The following RNF111 variants were observed in gnomAD, a reference collection of about 807,000 sequenced individuals.
RNF111 encodes E3 ubiquitin-protein ligase Arkadia.
A neutral mutation model predicts 95.1 loss-of-function variants in RNF111; 17 were observed. The observed-to-expected ratio is 0.18, with a 90% CI of 0.12 to 0.27. The LOEUF (loss-of-function observed/expected upper bound fraction) is 0.27, where lower values mean the gene tolerates loss of function less well. Ranked by LOEUF, RNF111 falls within the 10% of genes least tolerant of loss-of-function variation. RNF111 has a pLI of 1.00. For synonymous variants in RNF111, 440 were observed against 414.8 expected, an observed-to-expected ratio of 1.06 and a Z score of -0.74; for missense variants, 1,189 against 1,210.4, an observed-to-expected ratio of 0.98 and a Z score of 0.26.
At position 59,076,233 on chromosome 15, in the gene RNF111, G is replaced by A; in HGVS notation, c.1948+18G>A. 4 of 1,603,460 alleles carry A rather than the reference G, an allele frequency of 2.5e-6. No homozygotes were observed. The highest frequency in any genetic ancestry group is 3.4e-6 in the Non-Finnish European group (4 of 1,173,170). On this transcript the variant is annotated intron_variant, in intron 7 of 13. Coordinates refer to ENST00000348370, the MANE Select transcript of RNF111 (RefSeq NM_017610.8). Reference sequence around the variant, plus strand: ...ACCCCCTTGTAAGTATATACTTAGTGGACACAAAATCTAGAGTCATGTCAA... The same window carrying A: ...ACCCCCTTGTAAGTATATACTTAGTAGACACAAAATCTAGAGTCATGTCAA...
At chr15:58,995,764 C>CTT (rs34209382) in intron 1 of RNF111, among the ~76,000 whole-genome samples, 1,031 of 99,498 alleles carry the variant, frequency 0.01, 19 homozygotes, top group African/African-American at 0.027. Flanking sequence ...GTGCCCCGGC[C>CTT]TTTTTTTTTT....
chr15:59,092,481 A>C (rs2079080427), intron 12 of RNF111, 56 bp from the exon 13 acceptor site: 2 of 1,548,886 alleles, frequency 1.3e-6, no homozygotes, highest in African/African-American at 1.4e-5. Context: ...GACTTTACTC[A>C]GTTGTTCAAT....
At chr15:59,066,662 C>T (rs1333591248) in intron 5 of RNF111, 102 bp from the exon 6 acceptor site, 48 of 936,954 alleles carry the variant, frequency 5.1e-5, no homozygotes, top group African/African-American at 1.5e-4. Flanking sequence ...TTGAAATTAC[C>T]GAACATTTCT....
chr15:59,075,440 A>G (rs2043124290), intron 6 of RNF111, among the ~76,000 whole-genome samples: 1 of 152,200 alleles, frequency 6.6e-6, no homozygotes, highest in Non-Finnish European at 1.5e-5. Flanking sequence ...GTTATTTTGA[A>G]TAATGTAGAT....
At chr15:59,030,421 T>G (rs2040846211) in intron 1 of RNF111, among the ~76,000 whole-genome samples, 2 of 152,204 alleles carry the variant, frequency 1.3e-5, no homozygotes, top group Non-Finnish European at 2.9e-5. Context: ...TGTTGACTAA[T>G]TAGTCTTTTG....
intron 4 of RNF111, 106 bp downstream of exon 4, chr15:59,055,951 C>A: frequency 1.2e-6 from 1 of 819,722 alleles, no homozygotes; most frequent in Non-Finnish European, 1.7e-6. Flanking sequence ...TATTATTAAA[C>A]TACAGGGAAA....
chr15:59,015,026 C>T (rs976237915), intron 1 of RNF111, among the ~76,000 whole-genome samples: 1 of 152,102 alleles, frequency 6.6e-6, no homozygotes. Flanking sequence ...TGGGATAATA[C>T]GTGTGAGCCT....
intron 6 of RNF111, among the ~76,000 whole-genome samples, chr15:59,072,012 C>G (rs375427661): frequency 3.0e-4 from 45 of 152,272 alleles, no homozygotes; most frequent in African/African-American, 1.0e-3. Flanking sequence ...AAAAATACTT[C>G]AGTTTAAAAA....
intron 6 of RNF111, among the ~76,000 whole-genome samples, chr15:59,069,732 T>C (rs2042825027): frequency 6.6e-6 from 1 of 152,196 alleles, no homozygotes. Flanking sequence ...TGTAGGACTC[T>C]AAAATTAACC....
chr15:58,989,170 A>G (rs80153747), intron 1 of RNF111, among the ~76,000 whole-genome samples: 3,501 of 152,244 alleles, frequency 0.023, 74 homozygotes, highest in African/African-American at 0.049. Flanking sequence ...TTGATAGTTT[A>G]TTACTATATG....
intron 1 of RNF111, among the ~76,000 whole-genome samples, chr15:58,993,602 A>C (rs1161473510): frequency 6.6e-6 from 1 of 152,212 alleles, no homozygotes; most frequent in Non-Finnish European, 1.5e-5. Context: ...ATTTTGATAA[A>C]AATACAGTAT....
chr15:59,021,668 G>C (rs1262708041), intron 1 of RNF111, among the ~76,000 whole-genome samples: 7 of 152,144 alleles, frequency 4.6e-5, no homozygotes, highest in Non-Finnish European at 7.3e-5. Flanking sequence ...AACAGTTTTA[G>C]AGAGTACTAT....
intron 1 of RNF111, among the ~76,000 whole-genome samples, chr15:59,004,693 A>T (rs2039461448): frequency 6.6e-6 from 1 of 152,236 alleles, no homozygotes; most frequent in Admixed American, 6.5e-5. Context: ...TTAGTCAAAG[A>T]TAACCTTGGA....
intron 3 of RNF111, 96 bp downstream of exon 3, chr15:59,052,527 T>G (rs2042032016): frequency 1.0e-6 from 1 of 997,542 alleles, no homozygotes; most frequent in Non-Finnish European, 1.4e-6. Flanking sequence ...TATTTATTTA[T>G]TTTTGAGACC....
intron 13 of RNF111, chr15:59,093,491 G>A (rs528100199): frequency 1.1e-4 from 46 of 416,628 alleles, no homozygotes; most frequent in African/African-American, 7.0e-4. Context: ...GATTACAGGC[G>A]TAAGCCACTG....
intron 1 of RNF111, among the ~76,000 whole-genome samples, chr15:59,002,488 A>C (rs2039365350): frequency 1.3e-5 from 2 of 152,134 alleles, no homozygotes; most frequent in African/African-American, 4.8e-5. Context: ...ATATGTAATA[A>C]TCTTATGTAA....
intron 1 of RNF111, among the ~76,000 whole-genome samples, chr15:59,024,192 A>G (rs1159299352): frequency 6.6e-6 from 1 of 152,200 alleles, no homozygotes; most frequent in African/African-American, 2.4e-5. Context: ...TATTATTCTC[A>G]TTCTGCATAT....
intron 7 of RNF111, 66 bp downstream of exon 7, chr15:59,076,281 T>A: frequency 6.5e-7 from 1 of 1,528,336 alleles, no homozygotes; most frequent in Non-Finnish European, 8.9e-7. Flanking sequence ...TACTTCCTTA[T>A]GAAATAACCT....
At chr15:58,991,419 A>G (rs1345115415) in intron 1 of RNF111, among the ~76,000 whole-genome samples, 2 of 152,228 alleles carry the variant, frequency 1.3e-5, no homozygotes, top group Admixed American at 6.5e-5. Context: ...ACTGGTCTTC[A>G]GTGAAGGCAC....
Sources: gnomAD v4.1 joint callset for allele counts (sites outside exome capture counted in the v4.1 genomes callset) on GRCh38, gnomAD v4.1.1 for gene constraint, MANE v1.5 for transcripts, NCBI Gene and HGNC (gene_info 2026-07-23, HGNC 2026-07-21) for gene names.